PPWD1: variants seen among roughly 807,000 people sequenced by gnomAD.
The protein encoded by PPWD1 is peptidylprolyl isomerase domain and WD repeat containing 1.
Under a neutral mutation model 68.8 loss-of-function variants are expected in PPWD1, and 43 were observed. That is an observed-to-expected ratio of 0.62 (90% CI 0.49 to 0.81). The LOEUF is 0.81. PPWD1 is among the 30% of genes least tolerant of loss of function. PPWD1 has a pLI of 0.00. For synonymous variants in PPWD1, 232 were observed against 258.7 expected (o/e 0.90, Z 0.99); for missense variants, 672 against 804.8 (o/e 0.83, Z 2.00).
At chr5:65,567,159 T>C (rs1752812939) in intron 1 of PPWD1, among the ~76,000 whole-genome samples, 1 of 152,154 alleles carries the variant, frequency 6.6e-6, no homozygotes, top group Non-Finnish European at 1.5e-5. Flanking sequence ...GATATTTTCA[T>C]GGAACTTTTT....
At chr5:65,579,756 T>C (rs917913894) in intron 7 of PPWD1, 143 bp downstream of exon 7, 44 of 532,160 alleles carry the variant, frequency 8.3e-5, no homozygotes, top group African/African-American at 8.1e-4. Flanking sequence ...TACATTAATA[T>C]TGTAGAATTT....
At chr5:65,566,922 G>A (rs1446508929) in intron 1 of PPWD1, among the ~76,000 whole-genome samples, 1 of 150,898 alleles carries the variant, frequency 6.6e-6, no homozygotes, top group South Asian at 2.1e-4. Context: ...TTTTTTCCAG[G>A]TTTTGCCGTT....
intron 2 of PPWD1, among the ~76,000 whole-genome samples, chr5:65,568,721 G>A (rs1227230888): frequency 6.6e-6 from 1 of 152,000 alleles, no homozygotes; most frequent in African/African-American, 2.4e-5. Context: ...TATTCTTGAT[G>A]TCTTGAAGAC....
intron 4 of PPWD1, among the ~76,000 whole-genome samples, chr5:65,570,595 A>G (rs902979790): frequency 6.6e-6 from 1 of 151,994 alleles, no homozygotes; most frequent in Non-Finnish European, 1.5e-5. Flanking sequence ...CAAAAAAACC[A>G]TAGACTAGGT....
intron 9 of PPWD1, among the ~76,000 whole-genome samples, chr5:65,585,698 T>C (rs968940745): frequency 2.0e-5 from 3 of 152,176 alleles, no homozygotes; most frequent in Non-Finnish European, 4.4e-5. Context: ...AGGGCAATTA[T>C]ATAAAACATA....
chr5:65,586,259 CATT>C (rs1753846030), intron 10 of PPWD1, 78 bp downstream of exon 10: 10 of 1,324,796 alleles, frequency 7.5e-6, no homozygotes, highest in South Asian at 3.2e-5. Context: ...AGAAGAGCTG[CATT>C]ATTCTGTATT....
At chr5:65,574,448 C>CTT (rs573705705) in intron 5 of PPWD1, among the ~76,000 whole-genome samples, 3,008 of 91,982 alleles carry the variant, frequency 0.033, 342 homozygotes, top group African/African-American at 0.073. Context: ...ACACAAATCT[C>CTT]TTTTTTTTTT....
intron 9 of PPWD1, 27 bp from the exon 10 acceptor site, chr5:65,585,972 T>G: frequency 6.2e-7 from 1 of 1,607,776 alleles, no homozygotes; most frequent in East Asian, 2.2e-5. Context: ...AAGGACAATG[T>G]AATGTTTTTG....
chr5:65,569,472 T>C (rs1752919837), intron 2 of PPWD1, 160 bp from the exon 3 acceptor site: 4 of 689,994 alleles, frequency 5.8e-6, no homozygotes, highest in Non-Finnish European at 6.3e-6. Context: ...TTTCAAAATT[T>C]GCAGTGTTCT....
rs941883775 is a variant in PPWD1 at position 65,571,980 on chromosome 5, C to T, written c.663C>T (p.Leu221=). The change falls in exon 5 of 11, where the codon CTC becomes CTT. Residue 221 remains leucine (L), a synonymous_variant. Transcript: ENST00000261308. ...AGCCACTTCATATTTTTGACAAACT[C>T]CATACATCACCTCTTACTCAGATAC... The part of the protein sequence containing the change: ...DNQPLHIFDK[L]HTSPLTQIRL... The T allele has an allele frequency of 1.1e-5, 18 of 1,613,920 alleles. No homozygotes were observed. The highest frequency in any genetic ancestry group is 1.7e-5 in the Admixed American group (1 of 60,018).
rs1205969773 is a variant in PPWD1 at position 65,579,411 on chromosome 5, G to A, written c.1161-13G>A. On this transcript the variant is annotated splice_polypyrimidine_tract_variant and intron_variant, in intron 6 of 10. Coordinates refer to ENST00000261308, the MANE Select transcript of PPWD1 (RefSeq NM_015342.4). ...CGGTGATTCTGTTGTATAAAACATT[G>A]TTATATTTTTAGGTGTGTGCGGATT... 3 of 1,478,076 alleles carry A rather than the reference G, an allele frequency of 2.0e-6. No individual in the cohort carries two copies. The highest frequency in any genetic ancestry group is 5.1e-5 in the East Asian group (2 of 39,546). 91.6% of individuals were successfully genotyped at this position (1,478,076 alleles called of 1,614,324 possible). A position where few individuals can be genotyped will look rare whatever the true frequency, so the allele number is the denominator to read the frequency against.
intron 7 of PPWD1, among the ~76,000 whole-genome samples, chr5:65,581,544 C>G (rs1002397877): frequency 6.6e-6 from 1 of 152,174 alleles, no homozygotes; most frequent in Non-Finnish European, 1.5e-5. Context: ...TATGATCACA[C>G]CACTGCACTT....
Position 65,579,465 on chromosome 5 carries a change from T to TG in PPWD1, c.1203dup (p.Gln402AlafsTer24), listed in dbSNP as rs1362792671. ...GGCAAACAAGAAAATATTAGAGTGA[T>TG]GCAATTGGCTTTGTTCCAGGGGATA... On this transcript the variant is annotated frameshift_variant, in exon 7 of 11. Transcript: ENST00000261308. LOFTEE classifies it high-confidence loss of function. The TG allele has an allele frequency of 6.3e-7, 1 of 1,595,246 alleles. No homozygotes were observed. The highest frequency in any genetic ancestry group is 8.5e-7 in the Non-Finnish European group (1 of 1,173,376).
At chr5:65,578,797 CATATATATGTGTATATATATA>C (rs1561729496) in intron 6 of PPWD1, among the ~76,000 whole-genome samples, 2 of 61,916 alleles carry the variant, frequency 3.2e-5, no homozygotes, top group Non-Finnish European at 7.5e-5. Context: ...TATATATATA[CATATATATGTGTATATATATA>C]CTTTTTTTTA....
intron 5 of PPWD1, among the ~76,000 whole-genome samples, 153 bp downstream of exon 5, chr5:65,572,439 A>G (rs1753059622): frequency 6.6e-6 from 1 of 152,118 alleles, no homozygotes; most frequent in South Asian, 2.1e-4. Flanking sequence ...TCTGTCTTGT[A>G]GTGTTGCTCT....
chr5:65,586,881 G>A (rs1311369131), intron 10 of PPWD1, among the ~76,000 whole-genome samples: 1 of 152,086 alleles, frequency 6.6e-6, no homozygotes, highest in African/African-American at 2.4e-5. Flanking sequence ...AGTATGTGCT[G>A]CATAAACTAT....
chr5:65,571,700 TG>T (rs2150594105), intron 4 of PPWD1, 138 bp from the exon 5 acceptor site: 1 of 1,367,262 alleles, frequency 7.3e-7, no homozygotes, highest in South Asian at 1.5e-5. Context: ...CTCCCCATTC[TG>T]TGTCTCTGCT....
In PPWD1 at chr5:65,587,444, C is replaced by T; in HGVS notation, c.*48C>T. 1 of 1,434,576 alleles carries T rather than the reference C, an allele frequency of 7.0e-7. No homozygotes were observed. The highest frequency in any genetic ancestry group is 9.5e-7 in the Non-Finnish European group (1 of 1,048,864). The allele number at this position is 1,434,576 out of a possible 1,614,324, so 88.9% of individuals were successfully genotyped here. On this transcript the variant is annotated 3_prime_UTR_variant, in exon 11 of 11. Transcript: ENST00000261308. Reference sequence around the variant, plus strand: ...TTGCAAATAAAAATACAATATTAAACAGATTATTTTACATTAGGAAGCTTA... The same window carrying T: ...TTGCAAATAAAAATACAATATTAAATAGATTATTTTACATTAGGAAGCTTA...
chr5:65,563,869 G>A (rs544946463), intron 1 of PPWD1: 35 of 1,459,230 alleles, frequency 2.4e-5, no homozygotes, highest in African/African-American at 5.6e-5. Flanking sequence ...TTCTCTTTAA[G>A]GCTTTAGTTC....
Sources: gnomAD v4.1 joint callset for allele counts (sites outside exome capture counted in the v4.1 genomes callset) on GRCh38, gnomAD v4.1.1 for gene constraint, MANE v1.5 for transcripts, NCBI Gene and HGNC (gene_info 2026-07-23, HGNC 2026-07-21) for gene names.